Variants in GALNTL6 observed in about 807,000 individuals in gnomAD.
GALNTL6 encodes the protein polypeptide N-acetylgalactosaminyltransferase like 6.
In GALNTL6, 46 loss-of-function variants were observed where a neutral mutation model predicts 73.7. That is an observed-to-expected ratio of 0.62 (90% CI 0.49 to 0.80). The LOEUF is 0.80. Among genes scored for constraint, GALNTL6 ranks in the 30% least tolerant of loss-of-function variants. GALNTL6 has a pLI of 0.00. For missense variants in GALNTL6, 604 were observed against 755.0 expected (o/e 0.80, Z 2.34); for synonymous variants, 259 against 263.7 (o/e 0.98, Z 0.17).
In GALNTL6 at chr4:172,588,304, A is replaced by T. The variant is rs376330257; in HGVS notation, c.554-221057A>T. ...TGTGGCAGAAGACACATTAAAAAAG[A>T]TCTCCCAGACAAGGCGTAGTGGCTC... On this transcript the variant is annotated intron_variant, in intron 5 of 12. Coordinates refer to ENST00000506823, the MANE Select transcript of GALNTL6 (RefSeq NM_001034845.3). 5.9e-5 allele frequency among the ~76,000 whole-genome samples: 9 copies of T among 152,226 alleles called. No individual in the cohort carries two copies. In the East Asian group the frequency reaches 1.5e-3, roughly 26 times the overall value.
chr4:172,276,033 T>A lies in GALNTL6; in HGVS notation c.248-35581T>A, dbSNP rs751966222. Among the ~76,000 whole-genome samples the A allele has an allele frequency of 1.9e-3, 296 of 152,288 alleles. 3 individuals are homozygous for A. The highest frequency in any genetic ancestry group is 1.3e-3 in the Non-Finnish European group (88 of 68,016). ...AGATGTTAATTGCTTAATGCAATAG[T>A]TATAATATTTTTAAACTTCTTTATC... is the stretch of plus-strand genomic sequence containing the variant. On this transcript the variant is annotated intron_variant, in intron 3 of 12. Transcript: ENST00000506823.
chr4:172,767,718 TG>T, intron 5 of GALNTL6, among the ~76,000 whole-genome samples: 1 of 140,508 alleles, frequency 7.1e-6, no homozygotes, highest in Non-Finnish European at 1.5e-5. Context: ...CAGGCTGGAG[TG>T]CAATGAATGA....
intron 7 of GALNTL6, among the ~76,000 whole-genome samples, chr4:172,838,972 C>G (rs1164966036): frequency 6.6e-6 from 1 of 152,076 alleles, no homozygotes; most frequent in African/African-American, 2.4e-5. Flanking sequence ...GGAAGGTGAA[C>G]TAATTTAGAG....
In GALNTL6 at chr4:171,940,461, T is replaced by C. The variant is rs975569699; in HGVS notation, c.138+125743T>C. On this transcript the variant is annotated intron_variant, in intron 2 of 12. Transcript: ENST00000506823. ...GAACATAATGGGGAGTTTGGTTGAC[T>C]ACAAAAGTTTAATCTTTTGTAACCA... Among the ~76,000 whole-genome samples, 13 of 152,248 alleles carry C rather than the reference T, an allele frequency of 8.5e-5. No homozygotes were observed. In the Middle Eastern group the frequency reaches 0.014, roughly 160 times the overall value.
intron 2 of GALNTL6, among the ~76,000 whole-genome samples, chr4:171,829,470 A>G (rs472636): frequency 0.99 from 151,365 of 152,266 alleles, 75,243 homozygotes; most frequent in Middle Eastern, 1. Flanking sequence ...ACCCACATCC[A>G]ATTGATCACT....
intron 2 of GALNTL6, among the ~76,000 whole-genome samples, chr4:172,146,086 T>C (rs1178852168): frequency 6.6e-6 from 1 of 152,168 alleles, no homozygotes; most frequent in Admixed American, 6.5e-5. Context: ...AAGAACATCT[T>C]TCTCATAGGA....
chr4:172,545,218 C>T (rs751446763), intron 5 of GALNTL6, among the ~76,000 whole-genome samples: 8 of 152,050 alleles, frequency 5.3e-5, no homozygotes, highest in Non-Finnish European at 1.0e-4. Flanking sequence ...GTAACTAAGG[C>T]CCCAGAGGTA....
intron 2 of GALNTL6, among the ~76,000 whole-genome samples, chr4:172,001,763 A>G (rs1282140249): frequency 6.6e-6 from 1 of 152,132 alleles, no homozygotes; most frequent in Non-Finnish European, 1.5e-5. Flanking sequence ...AAGCTGCTTC[A>G]GGTAGATTCT....
At chr4:172,051,734 G>A (rs1730877791) in intron 2 of GALNTL6, among the ~76,000 whole-genome samples, 1 of 152,120 alleles carries the variant, frequency 6.6e-6, no homozygotes, top group South Asian at 2.1e-4. Context: ...GCAACTTTTG[G>A]GCATGAAAAT....
At chr4:173,033,214 C>A (rs1753543756) in intron 12 of GALNTL6, among the ~76,000 whole-genome samples, 2 of 152,068 alleles carry the variant, frequency 1.3e-5, no homozygotes, top group East Asian at 3.9e-4. Context: ...GTTGGCCAGT[C>A]TGGTCTCAAA....
chr4:172,922,170 C>T (rs984733636), intron 8 of GALNTL6, among the ~76,000 whole-genome samples: 7 of 152,090 alleles, frequency 4.6e-5, no homozygotes, highest in Non-Finnish European at 8.8e-5. Flanking sequence ...GTAAGAACTG[C>T]CTTTCACCTC....
chr4:172,258,813 C>G (rs566865470), intron 3 of GALNTL6, among the ~76,000 whole-genome samples: 3 of 151,306 alleles, frequency 2.0e-5, no homozygotes, highest in Non-Finnish European at 4.5e-5. Flanking sequence ...GTCCTAATAA[C>G]TTAGCTCTCA....
intron 5 of GALNTL6, among the ~76,000 whole-genome samples, chr4:172,631,437 A>G (rs1334111290): frequency 6.6e-6 from 1 of 152,126 alleles, no homozygotes. Flanking sequence ...GAGCCACTGT[A>G]CCTGGCCAGT....
At chr4:171,902,022 A>G (rs372137830) in intron 2 of GALNTL6, among the ~76,000 whole-genome samples, 1 of 152,200 alleles carries the variant, frequency 6.6e-6, no homozygotes, top group Non-Finnish European at 1.5e-5. Flanking sequence ...GTATTGCTAT[A>G]TAACATTTAG....
At chr4:172,948,194 G>T (rs1024894530) in intron 9 of GALNTL6, among the ~76,000 whole-genome samples, 2 of 152,124 alleles carry the variant, frequency 1.3e-5, no homozygotes, top group Non-Finnish European at 2.9e-5. Context: ...TGAGCCAATG[G>T]GGACATTAGA....
At chr4:171,911,344 A>G (rs903451694) in intron 2 of GALNTL6, among the ~76,000 whole-genome samples, 46 of 152,214 alleles carry the variant, frequency 3.0e-4, no homozygotes, top group African/African-American at 1.0e-3. Flanking sequence ...ATTTTTGTAG[A>G]AATGAGATTT....
intron 5 of GALNTL6, among the ~76,000 whole-genome samples, chr4:172,394,072 A>C (rs1441799357): frequency 6.6e-6 from 1 of 152,136 alleles, no homozygotes; most frequent in African/African-American, 2.4e-5. Context: ...AAACTGGTAC[A>C]CAGGTAATCT....
intron 5 of GALNTL6, among the ~76,000 whole-genome samples, chr4:172,360,322 A>G (rs199872005): frequency 1.7e-3 from 2 of 1,186 alleles, no homozygotes; most frequent in African/African-American, 2.2e-3. Flanking sequence ...ATGCTTTATC[A>G]TCACAGCTGA....
chr4:171,846,420 A>G (rs1735370015), intron 2 of GALNTL6, among the ~76,000 whole-genome samples: 1 of 152,144 alleles, frequency 6.6e-6, no homozygotes, highest in South Asian at 2.1e-4. Flanking sequence ...AACCATGGCC[A>G]GAGGAGGTAG....
Sources: allele counts gnomAD v4.1 joint callset (sites outside exome capture counted in the v4.1 genomes callset), GRCh38; gene constraint gnomAD v4.1.1; transcripts MANE v1.5; gene names NCBI Gene and HGNC (gene_info 2026-07-23, HGNC 2026-07-21).